The following PPM1D variants were observed in gnomAD, a reference collection of about 807,000 sequenced individuals.
The protein encoded by PPM1D is protein phosphatase 1D.
In PPM1D, 52 loss-of-function variants were observed where a neutral mutation model predicts 58.3. The ratio of observed to expected loss-of-function variants is 0.89; its 90% CI spans 0.71 to 1.12. The LOEUF is 1.12. Ranked by LOEUF, PPM1D falls within the 50% of genes most tolerant of loss-of-function variation. The probability of loss-of-function intolerance (pLI) is 0.00; values close to 1 mark genes in which losing one functional copy is unlikely to be tolerated. For synonymous variants in PPM1D, 278 were observed against 285.1 expected (o/e 0.98, Z 0.25); for missense variants, 564 against 777.2 (o/e 0.73, Z 3.26).
At chr17:60,614,672 T>C (rs2030543879) in intron 1 of PPM1D, among the ~76,000 whole-genome samples, 1 of 152,050 alleles carries the variant, frequency 6.6e-6, no homozygotes, top group Non-Finnish European at 1.5e-5. Context: ...TTATGAGCTG[T>C]AACACTCACT....
intron 3 of PPM1D, among the ~76,000 whole-genome samples, chr17:60,647,534 GTA>G (rs1156253333): frequency 2.0e-5 from 3 of 151,798 alleles, no homozygotes; most frequent in Non-Finnish European, 4.4e-5. Flanking sequence ...TTTCCATTTT[GTA>G]TATACTTTAT....
intron 3 of PPM1D, 77 bp from the exon 4 acceptor site, chr17:60,647,815 T>C: frequency 7.2e-7 from 1 of 1,381,526 alleles, no homozygotes; most frequent in Admixed American, 2.1e-5. Flanking sequence ...CTGTGTAGAT[T>C]TTCTCTTTTA....
At chr17:60,615,581 T>C (rs542182745) in intron 1 of PPM1D, among the ~76,000 whole-genome samples, 1 of 152,134 alleles carries the variant, frequency 6.6e-6, no homozygotes, top group Non-Finnish European at 1.5e-5. Context: ...ATAAATTTAG[T>C]GCAGTTTCAA....
chr17:60,618,131 T>C (rs1359040730), intron 1 of PPM1D, among the ~76,000 whole-genome samples: 1 of 152,230 alleles, frequency 6.6e-6, no homozygotes, highest in Non-Finnish European at 1.5e-5. Context: ...ACTTGGGCTG[T>C]TGCCCATTTG....
At chr17:60,619,792 G>A (rs1384635303) in intron 1 of PPM1D, among the ~76,000 whole-genome samples, 1 of 151,946 alleles carries the variant, frequency 6.6e-6, no homozygotes, top group African/African-American at 2.4e-5. Context: ...GTGGAGATGG[G>A]TCTCGTTATG....
In PPM1D at chr17:60,621,322, T is replaced by G. The variant is rs182323391; in HGVS notation, c.473-2199T>G. Among the ~76,000 whole-genome samples the G allele has an allele frequency of 8.5e-5, 13 of 152,352 alleles. No homozygotes were observed. The East Asian group carries it at 1.9e-3, about 23-fold the overall frequency. ...AGACAAGGGTACAATTTCATTCTTT[T>G]GCATGTGGATATCCAGGTTTTCCAG... On this transcript the variant is annotated intron_variant, in intron 1 of 5. Transcript: ENST00000305921.
At chr17:60,610,078 G>A (rs555928268) in intron 1 of PPM1D, among the ~76,000 whole-genome samples, 1 of 151,936 alleles carries the variant, frequency 6.6e-6, no homozygotes, top group African/African-American at 2.4e-5. Context: ...TACTCAGGCG[G>A]CTGAGGCAGG....
intron 1 of PPM1D, among the ~76,000 whole-genome samples, chr17:60,609,013 C>A (rs946939189): frequency 6.6e-6 from 1 of 151,998 alleles, no homozygotes. Flanking sequence ...TCCCAAAGTG[C>A]TGGGATTACA....
chr17:60,646,035 G>A (rs768674082), intron 3 of PPM1D, among the ~76,000 whole-genome samples: 75 of 152,032 alleles, frequency 4.9e-4, no homozygotes, highest in Non-Finnish European at 6.6e-4. Flanking sequence ...ATCTACTTGA[G>A]AGGTTGACGT....
In PPM1D at chr17:60,663,099, G is replaced by A. The variant is rs2143731607; in HGVS notation, c.1365G>A (p.Glu455=). The A allele has an allele frequency of 6.2e-7, 1 of 1,614,116 alleles. No homozygotes were observed. Among genetic ancestry groups the A allele is most frequent in the Non-Finnish European group, 8.5e-7 (1 of 1,179,972 alleles). The stretch of plus-strand genomic sequence containing the variant: ...AGAATTTTTTAGAGGTTTCAGCTGA[G>A]ATAGCTCGAGAGAATGTCCAAGGTG... The part of the protein sequence containing the change: ...FSENFLEVSA[E]IARENVQGVV... Residue 455 remains glutamate (E), a synonymous_variant, in exon 6 of 6, where the codon GAG becomes GAA. Transcript: ENST00000305921.
chr17:60,643,681 G>A lies in PPM1D; in HGVS notation c.827-4211G>A, dbSNP rs1288872417. Among the ~76,000 whole-genome samples, 4 of 151,960 alleles carry A rather than the reference G, an allele frequency of 2.6e-5. No individual in the cohort carries two copies. In the South Asian group the frequency reaches 6.2e-4, roughly 24 times the overall value. On this transcript the variant is annotated intron_variant, in intron 3 of 5. Coordinates refer to ENST00000305921, the MANE Select transcript of PPM1D (RefSeq NM_003620.4). Reference sequence around the variant, plus strand: ...ATAGCACTTTAACCAAATGATGAAAGTCAATACTGCCAATAATAGGACTGA... The same window carrying A: ...ATAGCACTTTAACCAAATGATGAAAATCAATACTGCCAATAATAGGACTGA...
intron 5 of PPM1D, chr17:60,662,538 T>C (rs1025567654): frequency 1.3e-5 from 2 of 155,236 alleles, no homozygotes; most frequent in South Asian, 2.0e-4. Context: ...TTACCAAAAG[T>C]AAATTAAAAT....
intron 4 of PPM1D, among the ~76,000 whole-genome samples, chr17:60,649,062 A>G (rs778820185): frequency 6.6e-6 from 1 of 151,900 alleles, no homozygotes; most frequent in African/African-American, 2.4e-5. Context: ...CCCGGCCTCC[A>G]TCACCACTAC....
intron 1 of PPM1D, among the ~76,000 whole-genome samples, chr17:60,620,575 G>C (rs1346425439): frequency 2.0e-5 from 3 of 152,132 alleles, no homozygotes; most frequent in Admixed American, 6.5e-5. Context: ...TACACAGGCT[G>C]GAGTGCAGTG....
chr17:60,658,340 C>T (rs1008561342), intron 5 of PPM1D, among the ~76,000 whole-genome samples: 15 of 152,250 alleles, frequency 9.9e-5, no homozygotes, highest in African/African-American at 3.1e-4. Flanking sequence ...TAAACCCATA[C>T]ATAAAATACG....
chr17:60,627,264 T>C (rs1377563934), intron 2 of PPM1D, among the ~76,000 whole-genome samples: 5 of 152,178 alleles, frequency 3.3e-5, no homozygotes, highest in Non-Finnish European at 1.5e-5. Flanking sequence ...TGTTTGTTCA[T>C]TGTATTTGTT....
chr17:60,607,056 C>T (rs2030346035), intron 1 of PPM1D, among the ~76,000 whole-genome samples: 1 of 151,538 alleles, frequency 6.6e-6, no homozygotes, highest in Non-Finnish European at 1.5e-5. Context: ...GTTCCTTACC[C>T]TGGGTTCAAG....
chr17:60,657,800 C>CAT (rs1308641370), intron 5 of PPM1D, among the ~76,000 whole-genome samples: 1 of 152,114 alleles, frequency 6.6e-6, no homozygotes, highest in Non-Finnish European at 1.5e-5. Flanking sequence ...AGTGCAATGG[C>CAT]ATTATCTTGG....
chr17:60,639,444 C>CTT (rs773448030), intron 3 of PPM1D, among the ~76,000 whole-genome samples: 1 of 142,670 alleles, frequency 7.0e-6, no homozygotes. Flanking sequence ...TCTTCTTCTT[C>CTT]TTTTTTTTTT....
Sources: allele counts gnomAD v4.1 joint callset (sites outside exome capture counted in the v4.1 genomes callset), GRCh38; gene constraint gnomAD v4.1.1; transcripts MANE v1.5; gene names NCBI Gene and HGNC (gene_info 2026-07-23, HGNC 2026-07-21).